Variants in SYNPR observed in about 807,000 individuals in gnomAD.
SYNPR encodes synaptoporin.
A neutral mutation model predicts 32.9 loss-of-function variants in SYNPR; 23 were observed. That is an observed-to-expected ratio of 0.70 (90% CI 0.50 to 0.99). The LOEUF (loss-of-function observed/expected upper bound fraction) is 0.99, where lower values mean the gene tolerates loss of function less well. Ranked by LOEUF, SYNPR falls within the 50% of genes least tolerant of loss-of-function variation. SYNPR has a pLI of 0.00. For synonymous variants in SYNPR, 146 were observed against 135.9 expected, an observed-to-expected ratio of 1.07 and a Z score of -0.52; for missense variants, 318 against 349.3, an observed-to-expected ratio of 0.91 and a Z score of 0.71.
chr3:63,278,346 G>A lies in SYNPR; in HGVS notation c.-188G>A. ...TCGCTTCGCTTCCCCGACGCGCTGG[G>A]TTCCCGGAGCGCAGAGCCCAGCGTT... On this transcript the variant is annotated 5_prime_UTR_variant, in exon 1 of 6. Coordinates refer to ENST00000478300, the MANE Select transcript of SYNPR (RefSeq NM_001130003.2). 1 of 692,304 alleles carries A rather than the reference G, an allele frequency of 1.4e-6. No individual in the cohort carries two copies. Among genetic ancestry groups the A allele is most frequent in the South Asian group, 2.4e-5 (1 of 41,586 alleles). 42.9% of individuals were successfully genotyped at this position (692,304 alleles called of 1,614,324 possible). A position where few individuals can be genotyped will look rare whatever the true frequency, so the allele number is the denominator to read the frequency against.
chr3:63,595,717 TTATATATATATATATATATA>T (rs1169780634), intron 4 of SYNPR, among the ~76,000 whole-genome samples: 205 of 17,862 alleles, frequency 0.011, 11 homozygotes, highest in African/African-American at 0.025. Flanking sequence ...GAATCTTATT[TTATATATATATATATATATA>T]TATATATATA....
chr3:63,319,032 G>T (rs898750255), intron 2 of SYNPR, among the ~76,000 whole-genome samples: 3 of 151,998 alleles, frequency 2.0e-5, no homozygotes, highest in Non-Finnish European at 2.9e-5. Context: ...TCTCTCTTCT[G>T]GGTCTAGCCA....
At chr3:63,334,431 T>C (rs1475069966) in intron 2 of SYNPR, among the ~76,000 whole-genome samples, 1 of 152,194 alleles carries the variant, frequency 6.6e-6, no homozygotes, top group Non-Finnish European at 1.5e-5. Flanking sequence ...CAGGTACACA[T>C]AATAATAGCC....
intron 2 of SYNPR, among the ~76,000 whole-genome samples, chr3:63,449,323 G>A (rs747788904): frequency 7.3e-5 from 11 of 151,642 alleles, no homozygotes; most frequent in Non-Finnish European, 1.0e-4. Flanking sequence ...TAGATGCTAG[G>A]GCACAGAAAT....
intron 3 of SYNPR, among the ~76,000 whole-genome samples, chr3:63,544,624 C>T (rs1013850585): frequency 1.3e-5 from 2 of 151,952 alleles, no homozygotes; most frequent in African/African-American, 2.4e-5. Context: ...CAGAAAATGA[C>T]CAAATAACTG....
At position 63,493,501 on chromosome 3, in the gene SYNPR, C is replaced by T. The variant is rs536750099; in HGVS notation, c.209+12545C>T. On this transcript the variant is annotated intron_variant, in intron 3 of 5. Transcript: ENST00000478300. ...GAAAGCTCCCCTACCTGCATGGTAA[C>T]GTGTAGAAAGCTCATTTAAAATGGA... is the stretch of plus-strand genomic sequence containing the variant. Among the ~76,000 whole-genome samples, 4 of 151,966 alleles carry T rather than the reference C, an allele frequency of 2.6e-5. No homozygotes were observed. In the South Asian group the frequency reaches 6.2e-4, roughly 24 times the overall value.
intron 4 of SYNPR, among the ~76,000 whole-genome samples, chr3:63,577,099 C>G (rs1323197967): frequency 6.6e-6 from 1 of 152,070 alleles, no homozygotes; most frequent in Non-Finnish European, 1.5e-5. Context: ...CAGATCTGGG[C>G]CTGTTGGCAA....
At chr3:63,606,566 G>A (rs1700126627) in intron 4 of SYNPR, among the ~76,000 whole-genome samples, 1 of 151,368 alleles carries the variant, frequency 6.6e-6, no homozygotes, top group South Asian at 2.1e-4. Context: ...AGGTTGATAG[G>A]ACTACAGTCA....
At chr3:63,492,140 T>A (rs1367643775) in intron 3 of SYNPR, among the ~76,000 whole-genome samples, 1 of 152,120 alleles carries the variant, frequency 6.6e-6, no homozygotes, top group African/African-American at 2.4e-5. Context: ...GATTTTCCCT[T>A]GCTCTAACCC....
intron 2 of SYNPR, among the ~76,000 whole-genome samples, chr3:63,411,770 T>C (rs1295101801): frequency 2.0e-5 from 3 of 152,160 alleles, no homozygotes; most frequent in African/African-American, 7.2e-5. Context: ...GATCTGGCTT[T>C]GGTGGTACTG....
At chr3:63,355,108 G>T (rs560301619) in intron 2 of SYNPR, among the ~76,000 whole-genome samples, 1 of 151,974 alleles carries the variant, frequency 6.6e-6, no homozygotes, top group African/African-American at 2.4e-5. Flanking sequence ...GTAAAACCCC[G>T]TCTCTACTAA....
intron 2 of SYNPR, among the ~76,000 whole-genome samples, chr3:63,445,289 T>G (rs548176273): frequency 1.3e-5 from 2 of 152,176 alleles, no homozygotes; most frequent in African/African-American, 2.4e-5. Flanking sequence ...TTTACAGAAG[T>G]GTTAGGGCTC....
intron 2 of SYNPR, among the ~76,000 whole-genome samples, chr3:63,468,276 A>G (rs1360377980): frequency 6.6e-6 from 1 of 152,026 alleles, no homozygotes; most frequent in Non-Finnish European, 1.5e-5. Flanking sequence ...TAGAGATGCA[A>G]CTTGCCAGTA....
intron 2 of SYNPR, among the ~76,000 whole-genome samples, chr3:63,358,271 C>T (rs545424700): frequency 1.3e-5 from 2 of 152,188 alleles, no homozygotes; most frequent in African/African-American, 2.4e-5. Flanking sequence ...CAGGTGTTCA[C>T]GGGGCTGTGA....
intron 4 of SYNPR, among the ~76,000 whole-genome samples, chr3:63,569,940 T>C (rs1256161549): frequency 6.6e-6 from 1 of 152,224 alleles, no homozygotes; most frequent in African/African-American, 2.4e-5. Flanking sequence ...TATCCAACTC[T>C]GCCTGCTGCA....
At chr3:63,435,652 G>A (rs1230367764) in intron 2 of SYNPR, among the ~76,000 whole-genome samples, 4 of 152,064 alleles carry the variant, frequency 2.6e-5, no homozygotes, top group African/African-American at 2.4e-5. Flanking sequence ...CCTGGCGTTC[G>A]GCTTAAAAAA....
chr3:63,616,546 G>C lies in SYNPR; in HGVS notation c.*1065G>C, dbSNP rs1051460929. On this transcript the variant is annotated 3_prime_UTR_variant, in exon 6 of 6. Transcript: ENST00000478300. ...AATTATTAAAAATTCTCAAGTCACA[G>C]CTAAACTTACTAATTCTGATTTTAG... is the stretch of plus-strand genomic sequence containing the variant. The C allele has an allele frequency of 3.9e-5, 6 of 152,602 alleles. No homozygotes were observed. Among genetic ancestry groups the C allele is most frequent in the Non-Finnish European group, 7.3e-5 (5 of 68,034 alleles). The allele number at this position is 152,602 out of a possible 1,614,324, so 9.5% of individuals were successfully genotyped here.
At chr3:63,475,496 C>A (rs553646435) in intron 2 of SYNPR, among the ~76,000 whole-genome samples, 1 of 152,230 alleles carries the variant, frequency 6.6e-6, no homozygotes, top group East Asian at 1.9e-4. Context: ...TGGGTTACAC[C>A]TTCAATGTCT....
intron 3 of SYNPR, chr3:63,545,343 A>G (rs1470179700): frequency 6.6e-6 from 1 of 152,168 alleles, no homozygotes; most frequent in Non-Finnish European, 1.5e-5. Context: ...GGGAATTAAG[A>G]AACCTAATAA....
Sources: allele counts gnomAD v4.1 joint callset (sites outside exome capture counted in the v4.1 genomes callset), GRCh38; gene constraint gnomAD v4.1.1; transcripts MANE v1.5; gene names NCBI Gene and HGNC (gene_info 2026-07-23, HGNC 2026-07-21).